Variants in WDPCP observed in about 807,000 individuals in gnomAD.
The protein encoded by WDPCP is WD repeat containing planar cell polarity effector, also known as WD repeat-containing and planar cell polarity effector protein fritz homolog.
WDPCP carries 71 observed loss-of-function variants against 93.1 expected under a neutral mutation model. That is an observed-to-expected ratio of 0.76 (90% CI 0.63 to 0.93). WDPCP has a LOEUF of 0.93. Among genes scored for constraint, WDPCP ranks in the 40% least tolerant of loss-of-function variants. The pLI is 0.00. For missense variants in WDPCP, 844 were observed against 887.4 expected, an observed-to-expected ratio of 0.95 and a Z score of 0.62; for synonymous variants, 315 against 315.0, an observed-to-expected ratio of 1.00 and a Z score of 0.00.
At position 63,243,209 on chromosome 2, in the gene WDPCP, A is replaced by G. The variant is rs149550370; in HGVS notation, c.1915+16098T>C. On this transcript the variant is annotated intron_variant, in intron 14 of 17. Coordinates refer to ENST00000272321, the MANE Select transcript of WDPCP (RefSeq NM_015910.7). Reference sequence around the variant, plus strand: ...GAAAACTTATTGAATGGCCATCTCTATTACTTTCCTCACACAAATGGCTGG... The same window carrying G: ...GAAAACTTATTGAATGGCCATCTCTGTTACTTTCCTCACACAAATGGCTGG... 6.8e-3 allele frequency among the ~76,000 whole-genome samples: 1,039 copies of G among 152,242 alleles called. 6 individuals carry two copies. Among genetic ancestry groups the G allele is most frequent in the Non-Finnish European group, 0.011 (782 of 68,000 alleles).
chr2:63,306,164 C>T (rs866994908), intron 13 of WDPCP, among the ~76,000 whole-genome samples: 16 of 152,162 alleles, frequency 1.1e-4, no homozygotes, highest in Non-Finnish European at 1.8e-4. Flanking sequence ...TTCCTGGACA[C>T]GTACACCCTC....
chr2:63,370,540 TA>T (rs1233574589), intron 12 of WDPCP, among the ~76,000 whole-genome samples: 3 of 152,180 alleles, frequency 2.0e-5, no homozygotes, highest in Admixed American at 1.3e-4. Flanking sequence ...TACAACTATG[TA>T]AAAAATGCAT....
chr2:63,497,738 T>G (rs1457822493), intron 1 of WDPCP, among the ~76,000 whole-genome samples: 1 of 152,222 alleles, frequency 6.6e-6, no homozygotes, highest in East Asian at 1.9e-4. Flanking sequence ...AAAAGAATGC[T>G]GGTAATTTCC....
At chr2:63,409,391 C>T (rs1311471626) in intron 9 of WDPCP, among the ~76,000 whole-genome samples, 1 of 152,184 alleles carries the variant, frequency 6.6e-6, no homozygotes, top group African/African-American at 2.4e-5. Context: ...ACAAAAGAAT[C>T]TGAACAACAG....
At chr2:63,123,047 GAA>G (rs56122640) in intron 17 of WDPCP, among the ~76,000 whole-genome samples, 35 of 129,304 alleles carry the variant, frequency 2.7e-4, no homozygotes, top group East Asian at 4.3e-4. Context: ...ACACAAAATT[GAA>G]AAAAAAAAAA....
chr2:63,414,138 C>G (rs1268669401), intron 9 of WDPCP, among the ~76,000 whole-genome samples: 1 of 152,116 alleles, frequency 6.6e-6, no homozygotes, highest in Non-Finnish European at 1.5e-5. Context: ...TACCACTTTA[C>G]TCCTTCAAGA....
At chr2:63,282,704 G>C (rs1163032778) in intron 13 of WDPCP, among the ~76,000 whole-genome samples, 1 of 151,868 alleles carries the variant, frequency 6.6e-6, no homozygotes, top group African/African-American at 2.4e-5. Flanking sequence ...AAAGTGAAAG[G>C]CAGTTCTCAA....
At chr2:63,456,515 G>C (rs995029345) in intron 6 of WDPCP, among the ~76,000 whole-genome samples, 1 of 152,174 alleles carries the variant, frequency 6.6e-6, no homozygotes, top group Non-Finnish European at 1.5e-5. Flanking sequence ...AGTGAAAGCA[G>C]TGCTAAGAGG....
At chr2:63,806,701 G>A (rs984639092) in intron 2 of WDPCP, among the ~76,000 whole-genome samples, 3 of 152,148 alleles carry the variant, frequency 2.0e-5, no homozygotes, top group Non-Finnish European at 4.4e-5. Flanking sequence ...CCCGAGGTGC[G>A]CATTCTCTTT....
chr2:63,545,319 GTGTA>G (rs1705064599), intron 1 of WDPCP, among the ~76,000 whole-genome samples: 2 of 150,848 alleles, frequency 1.3e-5, no homozygotes, highest in African/African-American at 2.5e-5. Flanking sequence ...GTGTATGTGT[GTGTA>G]TGTGTGTGTG....
chr2:63,835,464 C>T, the WDPCP span, among the ~76,000 whole-genome samples: 2 of 151,236 alleles, frequency 1.3e-5, no homozygotes, highest in Admixed American at 1.3e-4. Context: ...TTACTTGTCC[C>T]GGATAAAGGC....
chr2:63,815,797 T>C (rs1407362816), intron 1 of WDPCP, among the ~76,000 whole-genome samples: 1 of 152,176 alleles, frequency 6.6e-6, no homozygotes, highest in Non-Finnish European at 1.5e-5. Flanking sequence ...AAATTTAGCC[T>C]AGGTGATAGC....
intron 2 of WDPCP, among the ~76,000 whole-genome samples, chr2:63,702,533 C>G (rs1013659333): frequency 1.1e-5 from 1 of 92,066 alleles, no homozygotes; most frequent in Non-Finnish European, 2.2e-5. Flanking sequence ...TAATAGCTAC[C>G]CATTCTTTTT....
chr2:63,246,624 T>C (rs1680297880), intron 14 of WDPCP, among the ~76,000 whole-genome samples: 1 of 152,208 alleles, frequency 6.6e-6, no homozygotes, highest in South Asian at 2.1e-4. Context: ...GCCAACACTT[T>C]GAACACATGA....
intron 3 of WDPCP, among the ~76,000 whole-genome samples, chr2:63,596,649 G>A (rs1166636274): frequency 2.0e-5 from 3 of 152,148 alleles, no homozygotes; most frequent in African/African-American, 7.2e-5. Flanking sequence ...CCCATTTTCA[G>A]ACTTATGGCA....
intron 14 of WDPCP, among the ~76,000 whole-genome samples, chr2:63,189,646 C>T (rs573614965): frequency 2.0e-5 from 3 of 152,270 alleles, no homozygotes; most frequent in African/African-American, 7.2e-5. Context: ...AAACATTGTA[C>T]TTATTCTCAC....
At chr2:63,287,291 ATTC>A (rs1393092665) in intron 13 of WDPCP, among the ~76,000 whole-genome samples, 3 of 149,932 alleles carry the variant, frequency 2.0e-5, no homozygotes, top group African/African-American at 4.9e-5. Flanking sequence ...GACACCATCC[ATTC>A]TTTTTTTTTT....
chr2:63,547,303 A>G (rs1575619736), intron 1 of WDPCP, among the ~76,000 whole-genome samples: 2 of 152,158 alleles, frequency 1.3e-5, no homozygotes, highest in South Asian at 4.1e-4. Context: ...ACTATTAAAC[A>G]CTGCTGGTGG....
chr2:63,276,036 G>A (rs371386679), intron 13 of WDPCP, among the ~76,000 whole-genome samples: 5 of 152,178 alleles, frequency 3.3e-5, no homozygotes, highest in African/African-American at 1.2e-4. Flanking sequence ...AAGATCTGAA[G>A]ACAAATCACA....
Sources: gnomAD v4.1 joint callset for allele counts (sites outside exome capture counted in the v4.1 genomes callset) on GRCh38, gnomAD v4.1.1 for gene constraint, MANE v1.5 for transcripts, NCBI Gene and HGNC (gene_info 2026-07-23, HGNC 2026-07-21) for gene names.